Variants in SORCS1 observed in about 807,000 individuals in gnomAD.
SORCS1 encodes VPS10 domain-containing receptor SorCS1.
SORCS1 carries 60 observed loss-of-function variants against 146.1 expected under a neutral mutation model. That is an observed-to-expected ratio of 0.41 (90% CI 0.33 to 0.51). The LOEUF is 0.51. Ranked by LOEUF, SORCS1 falls within the 20% of genes least tolerant of loss-of-function variation. SORCS1 has a pLI of 0.21. For missense variants in SORCS1, 1,352 were observed against 1,487.6 expected, an observed-to-expected ratio of 0.91 and a Z score of 1.50; for synonymous variants, 637 against 584.0, an observed-to-expected ratio of 1.09 and a Z score of -1.31.
chr10:106,934,100 CAAAAAAA>C (rs57432764), intron 2 of SORCS1, among the ~76,000 whole-genome samples: 1 of 97,562 alleles, frequency 1.0e-5, no homozygotes, highest in South Asian at 3.2e-4. Context: ...TCTCAAAAAA[CAAAAAAA>C]AAAAAAAAAA....
intron 1 of SORCS1, among the ~76,000 whole-genome samples, chr10:107,156,273 G>A (rs1255633285): frequency 2.0e-5 from 3 of 152,164 alleles, no homozygotes; most frequent in Non-Finnish European, 2.9e-5. Context: ...AAGAGCTTTG[G>A]TTCCAGAAAG....
intron 2 of SORCS1, among the ~76,000 whole-genome samples, chr10:106,915,881 G>A (rs574489632): frequency 4.6e-5 from 7 of 152,274 alleles, no homozygotes; most frequent in Admixed American, 4.6e-4. Context: ...AAGGGACCTG[G>A]CTCCAAATTC....
chr10:107,106,261 C>G (rs1045804102), intron 1 of SORCS1, among the ~76,000 whole-genome samples: 1 of 152,162 alleles, frequency 6.6e-6, no homozygotes, highest in African/African-American at 2.4e-5. Flanking sequence ...AAGCAAGATG[C>G]TTTTCCCCAA....
intron 6 of SORCS1, among the ~76,000 whole-genome samples, chr10:106,713,051 T>C (rs1855109341): frequency 6.6e-6 from 1 of 152,186 alleles, no homozygotes; most frequent in Non-Finnish European, 1.5e-5. Context: ...CTGAGAGATA[T>C]CAGGAGATAC....
chr10:106,940,543 T>C (rs1190260324), intron 2 of SORCS1, among the ~76,000 whole-genome samples: 1 of 152,250 alleles, frequency 6.6e-6, no homozygotes, highest in Non-Finnish European at 1.5e-5. Context: ...CAGTAATTTA[T>C]TCTCTGTGTG....
At chr10:107,054,103 G>C (rs868585456) in intron 1 of SORCS1, among the ~76,000 whole-genome samples, 6 of 152,108 alleles carry the variant, frequency 3.9e-5, no homozygotes, top group South Asian at 4.1e-4. Flanking sequence ...AGTGTCGAAG[G>C]CTACCGATTC....
intron 1 of SORCS1, among the ~76,000 whole-genome samples, chr10:106,976,192 GA>G (rs34991811): frequency 6.7e-5 from 10 of 148,838 alleles, no homozygotes; most frequent in Non-Finnish European, 3.0e-5. Context: ...TTTTGACAGG[GA>G]AATCTGTTGC....
At chr10:107,161,792 CATAG>C (rs1969725272) in intron 1 of SORCS1, among the ~76,000 whole-genome samples, 1 of 152,084 alleles carries the variant, frequency 6.6e-6, no homozygotes, top group African/African-American at 2.4e-5. Context: ...TTTTGGAGGA[CATAG>C]ATAAAGACTA....
rs183107058 is a variant in SORCS1, at chr10:106,965,850, C to T, written c.559-9270G>A. Among the ~76,000 whole-genome samples the T allele has an allele frequency of 2.0e-5, 3 of 152,314 alleles. 1 individual carries two copies. Among genetic ancestry groups the T allele is most frequent in the Admixed American group, 1.3e-4 (2 of 15,304 alleles). ...GTCAGACATGGTACTAGTCACAAAC[C>T]CTTCTCTCACTCTGCCTTCTTCTAG... is the stretch of plus-strand genomic sequence containing the variant. On this transcript the variant is annotated intron_variant, in intron 1 of 25. Coordinates refer to ENST00000263054, the MANE Select transcript of SORCS1 (RefSeq NM_052918.5).
intron 1 of SORCS1, among the ~76,000 whole-genome samples, chr10:107,162,442 G>A (rs1459762079): frequency 6.6e-6 from 1 of 152,148 alleles, no homozygotes; most frequent in Non-Finnish European, 1.5e-5. Context: ...TGATATGAAA[G>A]ATATAATGGT....
chr10:106,902,541 T>A lies in SORCS1; in HGVS notation c.626+53972A>T, dbSNP rs189138064. Among the ~76,000 whole-genome samples the A allele has an allele frequency of 7.2e-5, 11 of 152,340 alleles. No homozygotes were observed. In the East Asian group the frequency reaches 1.9e-3, roughly 27 times the overall value. On this transcript the variant is annotated intron_variant, in intron 2 of 25. Coordinates refer to ENST00000263054, the MANE Select transcript of SORCS1 (RefSeq NM_052918.5). ...GAGAGCTTAAAAAATGCACGGCTTA[T>A]AATTTCATATATGGCATGAACTTAT...
intron 2 of SORCS1, among the ~76,000 whole-genome samples, chr10:106,867,446 G>A (rs964189865): frequency 5.3e-5 from 8 of 152,108 alleles, no homozygotes; most frequent in Admixed American, 1.3e-4. Context: ...CACCACGCCC[G>A]GCTAATTTCT....
chr10:107,080,706 A>G (rs1963264629), intron 1 of SORCS1, among the ~76,000 whole-genome samples: 1 of 152,230 alleles, frequency 6.6e-6, no homozygotes, highest in Admixed American at 6.5e-5. Flanking sequence ...TGATATTTCA[A>G]AAAGCAATTT....
At chr10:107,027,991 ATGAATGAGTTTTGG>A (rs1958482277) in intron 1 of SORCS1, among the ~76,000 whole-genome samples, 1 of 152,248 alleles carries the variant, frequency 6.6e-6, no homozygotes, top group African/African-American at 2.4e-5. Context: ...GAAAGAATGA[ATGAATGAGTTTTGG>A]TGAATGAGAT....
intron 3 of SORCS1, among the ~76,000 whole-genome samples, chr10:106,810,935 T>G (rs1947425399): frequency 6.6e-6 from 1 of 150,982 alleles, no homozygotes; most frequent in Non-Finnish European, 1.5e-5. Flanking sequence ...AGAAAAAGGG[T>G]ATAATTTCTT....
intron 10 of SORCS1, among the ~76,000 whole-genome samples, chr10:106,686,779 A>C (rs2135617273): frequency 6.6e-6 from 1 of 152,300 alleles, no homozygotes; most frequent in Admixed American, 6.5e-5. Flanking sequence ...AATAAGGTCA[A>C]GCTATGGCTG....
chr10:106,611,904 C>T lies in SORCS1; in HGVS notation c.3033+7G>A. ...CCCGGGCAAGAGAAGAAACTGTGTG[C>T]ACTCACTTCCACCAGGGATTTTTTG... On this transcript the variant is annotated splice_region_variant and intron_variant, in intron 22 of 25. Coordinates refer to ENST00000263054, the MANE Select transcript of SORCS1 (RefSeq NM_052918.5). 6.2e-7 allele frequency: 1 copy of T among 1,600,048 alleles called. No individual in the cohort carries two copies. The highest frequency in any genetic ancestry group is 8.6e-7 in the Non-Finnish European group (1 of 1,167,226).
intron 2 of SORCS1, among the ~76,000 whole-genome samples, chr10:106,889,243 A>G (rs1168051797): frequency 6.6e-6 from 1 of 152,140 alleles, no homozygotes; most frequent in East Asian, 1.9e-4. Flanking sequence ...TAGTGCCGTA[A>G]TGGACATACA....
At chr10:107,174,309 C>CTCGCCTCCCGG in the SORCS1 span, among the ~76,000 whole-genome samples, 1 of 152,066 alleles carries the variant, frequency 6.6e-6, no homozygotes, top group Admixed American at 6.5e-5. Flanking sequence ...GGGTTCACGC[C>CTCGCCTCCCGG]GTTCTCCTGC....
Sources: gnomAD v4.1 joint callset for allele counts (sites outside exome capture counted in the v4.1 genomes callset) on GRCh38, gnomAD v4.1.1 for gene constraint, MANE v1.5 for transcripts, NCBI Gene and HGNC (gene_info 2026-07-23, HGNC 2026-07-21) for gene names.